Variants in PTPRN2 observed in about 807,000 individuals in gnomAD.
PTPRN2 encodes the protein receptor-type tyrosine-protein phosphatase N2.
A neutral mutation model predicts 118.8 loss-of-function variants in PTPRN2; 74 were observed. That is an observed-to-expected ratio of 0.62 (90% CI 0.52 to 0.76). The LOEUF (loss-of-function observed/expected upper bound fraction) is 0.76, where lower values mean the gene tolerates loss of function less well. PTPRN2 is among the 30% of genes least tolerant of loss of function. The pLI is 0.00. For missense variants in PTPRN2, 1,481 were observed against 1,394.4 expected, an observed-to-expected ratio of 1.06 and a Z score of -0.99; for synonymous variants, 641 against 608.0, an observed-to-expected ratio of 1.05 and a Z score of -0.80.
chr7:157,825,414 C>T (rs1807108655), intron 12 of PTPRN2, among the ~76,000 whole-genome samples: 1 of 152,144 alleles, frequency 6.6e-6, no homozygotes, highest in Non-Finnish European at 1.5e-5. Flanking sequence ...ACTGCCTCCC[C>T]CCCAGACTTC....
intron 13 of PTPRN2, among the ~76,000 whole-genome samples, chr7:157,657,010 GCCACACACACA>G (rs1563311723): frequency 2.4e-5 from 1 of 41,330 alleles, no homozygotes; most frequent in South Asian, 7.7e-4. Flanking sequence ...ACACACATAC[GCCACACACACA>G]CCACACACAT....
At chr7:157,810,377 C>T (rs1019674401) in intron 12 of PTPRN2, among the ~76,000 whole-genome samples, 23 of 152,230 alleles carry the variant, frequency 1.5e-4, no homozygotes, top group Admixed American at 3.3e-4. Context: ...CTAGAGGTGC[C>T]GTGCTGGGCA....
intron 2 of PTPRN2, among the ~76,000 whole-genome samples, chr7:158,345,945 C>T (rs749294439): frequency 2.0e-5 from 3 of 152,078 alleles, no homozygotes; most frequent in African/African-American, 2.4e-5. Flanking sequence ...ACGAGAACAG[C>T]GTGGTGGAAA....
At chr7:157,620,891 G>A (rs10267847) in intron 15 of PTPRN2, among the ~76,000 whole-genome samples, 2 of 148,354 alleles carry the variant, frequency 1.3e-5, no homozygotes, top group Non-Finnish European at 3.0e-5. Flanking sequence ...CTCCCTCCCC[G>A]GGGACTGGTA....
At chr7:157,584,393 A>G (rs1225772412) in intron 17 of PTPRN2, among the ~76,000 whole-genome samples, 1 of 152,190 alleles carries the variant, frequency 6.6e-6, no homozygotes, top group Admixed American at 6.5e-5. Flanking sequence ...ATTGAAAACA[A>G]TTCACATTTC....
chr7:157,654,708 C>T (rs1319585863), intron 14 of PTPRN2, among the ~76,000 whole-genome samples: 2 of 152,208 alleles, frequency 1.3e-5, no homozygotes, highest in East Asian at 3.8e-4. Context: ...GTCAGAGCTG[C>T]CATTACATAT....
intron 16 of PTPRN2, among the ~76,000 whole-genome samples, chr7:157,601,965 C>G (rs75156154): frequency 4.1e-4 from 62 of 152,298 alleles, no homozygotes; most frequent in African/African-American, 1.4e-3. Flanking sequence ...TTTACCAGAA[C>G]GCACGTTCTG....
intron 12 of PTPRN2, among the ~76,000 whole-genome samples, chr7:157,804,128 C>T (rs1252842115): frequency 6.6e-6 from 1 of 152,202 alleles, no homozygotes; most frequent in African/African-American, 2.4e-5. Flanking sequence ...CCTTAAGAAA[C>T]AGGCGCAAGC....
At chr7:157,963,688 C>T (rs1801697224) in intron 11 of PTPRN2, among the ~76,000 whole-genome samples, 1 of 152,222 alleles carries the variant, frequency 6.6e-6, no homozygotes, top group African/African-American at 2.4e-5. Context: ...GTCATGCCCT[C>T]ACCCCATCCC....
chr7:157,993,434 T>C (rs554418251), intron 11 of PTPRN2, among the ~76,000 whole-genome samples: 96 of 152,076 alleles, frequency 6.3e-4, no homozygotes, highest in African/African-American at 2.2e-3. Flanking sequence ...TGCTTTTTTT[T>C]CCTCCCCTTT....
chr7:158,097,388 G>C (rs1165158420), intron 10 of PTPRN2, among the ~76,000 whole-genome samples: 1 of 152,170 alleles, frequency 6.6e-6, no homozygotes, highest in Non-Finnish European at 1.5e-5. Flanking sequence ...TAATAACACC[G>C]TATTCATCAA....
intron 12 of PTPRN2, among the ~76,000 whole-genome samples, chr7:157,752,199 G>C (rs1353472140): frequency 1.3e-5 from 2 of 152,186 alleles, no homozygotes; most frequent in Non-Finnish European, 2.9e-5. Flanking sequence ...TCTCCAGGGT[G>C]GGGGCACCGA....
At chr7:158,126,100 C>T (rs1585522742) in intron 9 of PTPRN2, among the ~76,000 whole-genome samples, 1 of 118,576 alleles carries the variant, frequency 8.4e-6, no homozygotes, top group African/African-American at 3.6e-5. Flanking sequence ...CACCAGCCCC[C>T]AGGACAGCGG....
intron 11 of PTPRN2, among the ~76,000 whole-genome samples, chr7:157,948,764 T>G (rs1800634426): frequency 6.6e-6 from 1 of 152,222 alleles, no homozygotes; most frequent in Non-Finnish European, 1.5e-5. Flanking sequence ...AGTGCCTACA[T>G]GATGTTCAAA....
chr7:157,701,884 G>A (rs1179652944), intron 12 of PTPRN2, among the ~76,000 whole-genome samples: 1 of 144,500 alleles, frequency 6.9e-6, no homozygotes, highest in African/African-American at 2.6e-5. Context: ...CTGTGGGTTT[G>A]TAAGAGAGCC....
At chr7:158,404,336 T>C (rs1813185627) in intron 2 of PTPRN2, among the ~76,000 whole-genome samples, 1 of 152,158 alleles carries the variant, frequency 6.6e-6, no homozygotes, top group South Asian at 2.1e-4. Flanking sequence ...GATGGGAGGA[T>C]GCTGAGGAGA....
In PTPRN2 at chr7:157,900,124, C is replaced by T. The variant is rs1021120061; in HGVS notation, c.1724-1387G>A. ...CCGACGTCAGGGTCAGGAATGAAAA[C>T]GGCAGCCCCAGCCCATAGTAATGAG... On this transcript the variant is annotated intron_variant, in intron 11 of 22. Transcript: ENST00000389418. Among the ~76,000 whole-genome samples the T allele has an allele frequency of 2.6e-5, 4 of 152,310 alleles. No homozygotes were observed. In the South Asian group the frequency reaches 6.2e-4, roughly 24 times the overall value.
At position 158,508,060 on chromosome 7, in the gene PTPRN2, G is replaced by T. The variant is rs554977385; in HGVS notation, c.113-18275C>A. On this transcript the variant is annotated intron_variant, in intron 1 of 22. Transcript: ENST00000389418. ...GGGACAGCGCTACAGTGTTACGAAG[G>T]TCAGTGAGGAACATCCAGGGGACAG... 1.1e-4 allele frequency among the ~76,000 whole-genome samples: 16 copies of T among 149,556 alleles called. No homozygotes were observed. In the South Asian group the frequency reaches 3.4e-3, roughly 32 times the overall value.
intron 12 of PTPRN2, among the ~76,000 whole-genome samples, chr7:157,684,989 T>A (rs1585234912): frequency 6.6e-6 from 1 of 151,634 alleles, no homozygotes. Context: ...CACCCCAGGG[T>A]CCATGTTCGC....
Sources: allele counts gnomAD v4.1 joint callset (sites outside exome capture counted in the v4.1 genomes callset), GRCh38; gene constraint gnomAD v4.1.1; transcripts MANE v1.5; gene names NCBI Gene and HGNC (gene_info 2026-07-23, HGNC 2026-07-21).